Variants in SNAP47 observed in about 807,000 individuals in gnomAD.
SNAP47 encodes synaptosomal-associated protein 47.
Under a neutral mutation model 31.4 loss-of-function variants are expected in SNAP47, and 20 were observed. The ratio of observed to expected loss-of-function variants is 0.64; its 90% CI spans 0.45 to 0.93. SNAP47 has a LOEUF of 0.93. SNAP47 is among the 40% of genes least tolerant of loss of function. The pLI is 0.00. For missense variants in SNAP47, 492 were observed against 528.5 expected (o/e 0.93, Z 0.68); for synonymous variants, 194 against 213.4 (o/e 0.91, Z 0.79).
chr1:227,767,410 C>CA lies in SNAP47; in HGVS notation c.1113+328dup, dbSNP rs200687834. ...GGTGTGTATGTTTACCGTGCATGTA[C>CA]ATGTGCATGCTGTGTGTAGTGTGCA... On this transcript the variant is annotated intron_variant, in intron 4 of 4. Transcript: ENST00000617596. Among the ~76,000 whole-genome samples, 614 of 152,336 alleles carry CA rather than the reference C, an allele frequency of 4.0e-3. 8 individuals are homozygous for CA. The highest frequency in any genetic ancestry group is 0.014 in the African/African-American group (583 of 41,566).
At chr1:227,777,119 A>AAG (rs60071995) in intron 4 of SNAP47, 3 of 900,228 alleles carry the variant, frequency 3.3e-6, no homozygotes, top group Non-Finnish European at 4.0e-6. Flanking sequence ...TAAAAAAAAA[A>AAG]GTTATTTTAT....
chr1:227,734,236 T>C, upstream of SNAP47: 1 of 606,900 alleles, frequency 1.6e-6, no homozygotes, highest in Non-Finnish European at 2.9e-6. Context: ...GTTCTGCTTA[T>C]TAGAAAGTAC....
chr1:227,744,901 C>T (rs892472817), intron 1 of SNAP47, among the ~76,000 whole-genome samples: 3 of 152,310 alleles, frequency 2.0e-5, no homozygotes, highest in East Asian at 3.9e-4. Context: ...GTCAGCCCCA[C>T]TCAGGGATAG....
chr1:227,742,634 G>A (rs545383086), intron 1 of SNAP47, among the ~76,000 whole-genome samples: 3 of 152,306 alleles, frequency 2.0e-5, no homozygotes, highest in African/African-American at 4.8e-5. Flanking sequence ...TGTCCACACC[G>A]TGTCTAGCTC....
chr1:227,735,981 G>A (rs1661121653), intron 1 of SNAP47, among the ~76,000 whole-genome samples: 1 of 151,848 alleles, frequency 6.6e-6, no homozygotes. Context: ...GAGGACGGTG[G>A]CACTTGGAGG....
intron 4 of SNAP47, among the ~76,000 whole-genome samples, chr1:227,779,219 A>G (rs930868142): frequency 2.6e-5 from 4 of 152,192 alleles, no homozygotes; most frequent in Non-Finnish European, 4.4e-5. Flanking sequence ...GGCCGCCTTC[A>G]TACTGTTTCT....
At chr1:227,768,357 G>T in intron 4 of SNAP47, 1 of 985,184 alleles carries the variant, frequency 1.0e-6, no homozygotes, top group Non-Finnish European at 1.2e-6. Context: ...GAGCCTCTGA[G>T]TCGGCAGGTG....
chr1:227,732,999 C>T (rs1660771673), upstream of SNAP47: 2 of 1,613,516 alleles, frequency 1.2e-6, no homozygotes, highest in Non-Finnish European at 1.7e-6. Context: ...GCCATTGACC[C>T]AGTTGTGGTT....
chr1:227,749,725 C>T (rs1040071032), intron 2 of SNAP47, among the ~76,000 whole-genome samples: 7 of 142,866 alleles, frequency 4.9e-5, no homozygotes, highest in South Asian at 4.5e-4. Flanking sequence ...TTTAAGGACA[C>T]GTCCTTGAGA....
At chr1:227,728,705 G>A (rs543533351) in exon 1 of SNAP47, 3 of 152,076 alleles carry the variant, frequency 2.0e-5, no homozygotes, top group South Asian at 2.1e-4. Context: ...CAGAAGCAAG[G>A]GCAGTGAGGA....
chr1:227,748,667 T>G (rs1662140386), intron 2 of SNAP47, among the ~76,000 whole-genome samples: 1 of 152,200 alleles, frequency 6.6e-6, no homozygotes, highest in Non-Finnish European at 1.5e-5. Context: ...ACGGCCTCTG[T>G]TAGTGAGGTG....
chr1:227,754,538 G>A (rs1054232579), intron 2 of SNAP47, among the ~76,000 whole-genome samples: 3 of 152,142 alleles, frequency 2.0e-5, no homozygotes, highest in African/African-American at 4.8e-5. Context: ...AAGGGACCAC[G>A]CCCTTCCCTT....
At chr1:227,775,828 G>A in intron 4 of SNAP47, 1 of 1,304,176 alleles carries the variant, frequency 7.7e-7, no homozygotes, top group Non-Finnish European at 1.0e-6. Flanking sequence ...GACAGTGTTG[G>A]TGATGCTTTG....
intron 2 of SNAP47, among the ~76,000 whole-genome samples, chr1:227,751,746 T>G (rs1362263729): frequency 5.2e-4 from 9 of 17,432 alleles, no homozygotes; most frequent in African/African-American, 1.1e-3. Context: ...AAGACTTGGT[T>G]TTTTTTTTTT....
chr1:227,737,706 A>G (rs1228943040), intron 1 of SNAP47, among the ~76,000 whole-genome samples: 2 of 152,086 alleles, frequency 1.3e-5, no homozygotes, highest in South Asian at 4.1e-4. Flanking sequence ...GGGAGGACCA[A>G]GGTCTGAGGA....
intron 1 of SNAP47, chr1:227,744,112 T>C (rs1379531863): frequency 1.3e-5 from 2 of 151,986 alleles, no homozygotes; most frequent in Non-Finnish European, 2.9e-5. Flanking sequence ...CTGTGGTTGG[T>C]GCTGTGTTGC....
At chr1:227,740,049 G>A (rs1661490655) in intron 1 of SNAP47, among the ~76,000 whole-genome samples, 2 of 152,262 alleles carry the variant, frequency 1.3e-5, no homozygotes, top group African/African-American at 2.4e-5. Flanking sequence ...GGTGTGTAGC[G>A]GGCCTTGCGG....
At chr1:227,776,104 C>G (rs1233404001) in intron 4 of SNAP47, 1 of 1,175,342 alleles carries the variant, frequency 8.5e-7, no homozygotes, top group African/African-American at 1.6e-5. Flanking sequence ...CCTGAGTCAC[C>G]CAGGGCTGCT....
At chr1:227,772,045 G>A (rs536210558) in intron 4 of SNAP47, among the ~76,000 whole-genome samples, 1 of 152,208 alleles carries the variant, frequency 6.6e-6, no homozygotes, top group East Asian at 1.9e-4. Context: ...CAGGCTTGGA[G>A]GACTCACCCC....
Sources: allele counts gnomAD v4.1 joint callset (sites outside exome capture counted in the v4.1 genomes callset), GRCh38; gene constraint gnomAD v4.1.1; transcripts MANE v1.5; gene names NCBI Gene and HGNC (gene_info 2026-07-23, HGNC 2026-07-21).